NT5DC3: variants seen among roughly 807,000 people sequenced by gnomAD.
NT5DC3 encodes the protein 5'-nucleotidase domain containing 3.
NT5DC3 carries 42 observed loss-of-function variants against 67.8 expected under a neutral mutation model. The observed-to-expected ratio is 0.62, with a 90% confidence interval of 0.48 to 0.80. The LOEUF (loss-of-function observed/expected upper bound fraction) is 0.80, where lower values mean the gene tolerates loss of function less well. Among genes scored for constraint, NT5DC3 ranks in the 30% least tolerant of loss-of-function variants. NT5DC3 has a pLI of 0.00. For missense variants in NT5DC3, 570 were observed against 696.4 expected (o/e 0.82, Z 2.04); for synonymous variants, 237 against 255.6 (o/e 0.93, Z 0.69).
intron 13 of NT5DC3, among the ~76,000 whole-genome samples, chr12:103,779,191 C>T (rs1885450535): frequency 6.6e-6 from 1 of 152,140 alleles, no homozygotes; most frequent in Admixed American, 6.5e-5. Context: ...GCCTCCCAGC[C>T]TCCTCGGAAG....
chr12:103,746,574 G>A, the NT5DC3 span: 138 of 1,611,044 alleles, frequency 8.6e-5, no homozygotes, highest in Non-Finnish European at 1.1e-4. Context: ...GGTACAGAAT[G>A]AAAGTGGCCC....
At chr12:103,792,018 T>A (rs543803976) in intron 9 of NT5DC3, among the ~76,000 whole-genome samples, 13 of 152,230 alleles carry the variant, frequency 8.5e-5, no homozygotes, top group Non-Finnish European at 1.6e-4. Context: ...TGTAAGTCGG[T>A]TCCTCTAATA....
chr12:103,806,212 G>A lies in NT5DC3; in HGVS notation c.524+110C>T. 3 of 719,910 alleles carry A rather than the reference G, an allele frequency of 4.2e-6. No individual in the cohort carries two copies. The East Asian group carries it at 7.9e-5, about 19-fold the overall frequency. The allele number at this position is 719,910 out of a possible 1,614,324, so 44.6% of individuals were successfully genotyped here. On this transcript the variant is annotated intron_variant, in intron 4 of 13. Coordinates refer to ENST00000392876, the MANE Select transcript of NT5DC3 (RefSeq NM_001031701.3). ...CTCTTGAGTAAGTGAGTGAATGAAT[G>A]AATCATATTCACACTGCAGCCCTCT...
chr12:103,747,949 C>CAGG, the NT5DC3 span, among the ~76,000 whole-genome samples: 301 of 142,260 alleles, frequency 2.1e-3, 1 homozygote, highest in African/African-American at 7.8e-3. Context: ...GAGCTGAGAT[C>CAGG]AGGCCACTCT....
At chr12:103,814,891 A>G (rs760496252) in intron 2 of NT5DC3, 46 bp downstream of exon 2, 31 of 1,477,542 alleles carry the variant, frequency 2.1e-5, no homozygotes, top group Middle Eastern at 3.5e-4. Flanking sequence ...GGCTGTTCTA[A>G]GAGGAAAAGG....
chr12:103,794,012 A>T lies in NT5DC3; in HGVS notation c.754-15T>A. On this transcript the variant is annotated splice_polypyrimidine_tract_variant and intron_variant, in intron 6 of 13. Transcript: ENST00000392876. Reference sequence around the variant, plus strand: ...CGAATTGAATCCTGCCAAAAGATACATTTTTAATCAGCGAAAATACAACTG... The same window carrying T: ...CGAATTGAATCCTGCCAAAAGATACTTTTTTAATCAGCGAAAATACAACTG... 6.2e-7 allele frequency: 1 copy of T among 1,609,694 alleles called. No homozygotes were observed. Among genetic ancestry groups the T allele is most frequent in the East Asian group, 2.2e-5 (1 of 44,882 alleles).
chr12:103,750,515 C>T, the NT5DC3 span: 4 of 1,592,088 alleles, frequency 2.5e-6, no homozygotes, highest in African/African-American at 5.4e-5. Context: ...GTCCCATGGG[C>T]ACTTGGGCAT....
intron 9 of NT5DC3, among the ~76,000 whole-genome samples, chr12:103,792,015 C>T (rs899913060): frequency 5.9e-5 from 9 of 152,178 alleles, no homozygotes; most frequent in Non-Finnish European, 1.0e-4. Flanking sequence ...CTCTGTAAGT[C>T]GGTTCCTCTA....
intron 1 of NT5DC3, among the ~76,000 whole-genome samples, chr12:103,817,423 C>A (rs1887310492): frequency 6.6e-6 from 1 of 152,066 alleles, no homozygotes; most frequent in Admixed American, 6.6e-5. Flanking sequence ...GGCTCACAGG[C>A]AGACAAATGC....
rs563778659 is a variant in NT5DC3, at chr12:103,823,225, A to T, written c.209-8104T>A. Among the ~76,000 whole-genome samples the T allele has an allele frequency of 5.4e-4, 49 of 90,916 alleles. 1 individual carries two copies. The East Asian group carries it at 0.018, about 34-fold the overall frequency. The allele number at this position is 90,916 out of a possible 152,430, so 59.6% of individuals were successfully genotyped here. A position where few individuals can be genotyped will look rare whatever the true frequency, so the allele number is the denominator to read the frequency against. On this transcript the variant is annotated intron_variant, in intron 1 of 13. Coordinates refer to ENST00000392876, the MANE Select transcript of NT5DC3 (RefSeq NM_001031701.3). ...TTTCCCGGAGAATTTTAGAAGTTACAAAAAAAAAAAAACAGAAAAAGCCTC... is the reference window on the plus strand; with the variant it reads ...TTTCCCGGAGAATTTTAGAAGTTACTAAAAAAAAAAAACAGAAAAAGCCTC...
At chr12:103,782,029 G>A (rs1885574723) in intron 12 of NT5DC3, among the ~76,000 whole-genome samples, 1 of 152,162 alleles carries the variant, frequency 6.6e-6, no homozygotes, top group Non-Finnish European at 1.5e-5. Context: ...TTACAAATGG[G>A]TTTTTCTTTT....
At chr12:103,788,807 C>T in intron 10 of NT5DC3, 31 bp downstream of exon 10, 1 of 1,451,744 alleles carries the variant, frequency 6.9e-7, no homozygotes, top group African/African-American at 1.4e-5. Flanking sequence ...CAAAGCAAAG[C>T]AACAAAAAGG....
rs1885299042 is a variant in NT5DC3 at position 103,775,076 on chromosome 12, G to A, written c.*2753C>T. The A allele has an allele frequency of 6.6e-6, 1 of 151,968 alleles. No individual in the cohort carries two copies. Among genetic ancestry groups the A allele is most frequent in the Non-Finnish European group, 1.5e-5 (1 of 68,012 alleles). 9.4% of individuals were successfully genotyped at this position (151,968 alleles called of 1,614,324 possible). On this transcript the variant is annotated 3_prime_UTR_variant, in exon 14 of 14. Transcript: ENST00000392876. ...TCTGTCCTGACTGAGTATATACAAG[G>A]ATTAATAATAAAGTGGGATGTGCCT...
intron 7 of NT5DC3, 35 bp downstream of exon 7, chr12:103,793,902 C>T (rs781660665): frequency 6.4e-6 from 10 of 1,559,706 alleles, no homozygotes; most frequent in Admixed American, 3.4e-5. Flanking sequence ...AACAGAAAGG[C>T]TGAAACTCTC....
the NT5DC3 span, among the ~76,000 whole-genome samples, chr12:103,761,060 C>T: frequency 6.6e-6 from 1 of 152,166 alleles, no homozygotes; most frequent in Non-Finnish European, 1.5e-5. Context: ...ATCTGTCAGA[C>T]AAGTGGGTTG....
chr12:103,786,487 G>A (rs1885779425), intron 11 of NT5DC3, among the ~76,000 whole-genome samples: 1 of 151,244 alleles, frequency 6.6e-6, no homozygotes, highest in African/African-American at 2.4e-5. Flanking sequence ...GGCTGGGGAA[G>A]GGGAAATCCA....
At chr12:103,813,921 C>T (rs1345242425) in intron 2 of NT5DC3, among the ~76,000 whole-genome samples, 2 of 152,182 alleles carry the variant, frequency 1.3e-5, no homozygotes, top group Non-Finnish European at 2.9e-5. Flanking sequence ...CTCATACCCA[C>T]CCTCAGCCCT....
At chr12:103,769,958 G>A (rs978425179), downstream of NT5DC3, among the ~76,000 whole-genome samples, 7 of 152,228 alleles carry the variant, frequency 4.6e-5, no homozygotes, top group African/African-American at 7.2e-5. Flanking sequence ...GCGAAGGATT[G>A]GGGCAGGCAG....
the NT5DC3 span, chr12:103,761,203 T>C: frequency 2.7e-6 from 3 of 1,113,418 alleles, no homozygotes; most frequent in South Asian, 2.7e-5. Context: ...ACCTGAAACA[T>C]GGGCTCAGGG....
Sources: allele counts gnomAD v4.1 joint callset (sites outside exome capture counted in the v4.1 genomes callset), GRCh38; gene constraint gnomAD v4.1.1; transcripts MANE v1.5; gene names NCBI Gene and HGNC (gene_info 2026-07-23, HGNC 2026-07-21).